GATAD2B: variants seen among roughly 807,000 people sequenced by gnomAD.
GATAD2B encodes the protein GATA zinc finger domain containing 2B.
In GATAD2B, 8 loss-of-function variants were observed where a neutral mutation model predicts 64.3. The ratio of observed to expected loss-of-function variants is 0.12; its 90% CI spans 0.07 to 0.22. GATAD2B has a LOEUF of 0.22. Among genes scored for constraint, GATAD2B ranks in the 10% least tolerant of loss-of-function variants. The pLI is 1.00. For synonymous variants in GATAD2B, 281 were observed against 271.3 expected, an observed-to-expected ratio of 1.04 and a Z score of -0.35; for missense variants, 453 against 752.0, an observed-to-expected ratio of 0.60 and a Z score of 4.65.
intron 1 of GATAD2B, among the ~76,000 whole-genome samples, chr1:153,886,264 G>A (rs1677180668): frequency 6.6e-6 from 1 of 152,170 alleles, no homozygotes; most frequent in Admixed American, 6.6e-5. Context: ...ACATTGTAAA[G>A]TGTATTTAAA....
At chr1:153,882,166 C>T (rs572242481) in intron 1 of GATAD2B, among the ~76,000 whole-genome samples, 1 of 152,156 alleles carries the variant, frequency 6.6e-6, no homozygotes, top group Non-Finnish European at 1.5e-5. Context: ...CTAACTATCC[C>T]CCCATCATTG....
chr1:153,846,051 A>T (rs1675676695), intron 1 of GATAD2B, among the ~76,000 whole-genome samples: 1 of 148,850 alleles, frequency 6.7e-6, no homozygotes, highest in Non-Finnish European at 1.5e-5. Flanking sequence ...TACCTACAAC[A>T]TTTTTTTCGT....
chr1:153,883,831 C>T (rs914876409), intron 1 of GATAD2B, among the ~76,000 whole-genome samples: 3 of 151,916 alleles, frequency 2.0e-5, no homozygotes, highest in African/African-American at 7.3e-5. Context: ...CAGTACTCTA[C>T]GTTTACTATA....
At chr1:153,856,515 T>C (rs941317999) in intron 1 of GATAD2B, among the ~76,000 whole-genome samples, 2 of 152,226 alleles carry the variant, frequency 1.3e-5, no homozygotes, top group Non-Finnish European at 2.9e-5. Context: ...TTTTTCTATA[T>C]GCTTAAATAT....
intron 1 of GATAD2B, among the ~76,000 whole-genome samples, chr1:153,904,136 C>T (rs1298262934): frequency 1.3e-5 from 2 of 151,842 alleles, no homozygotes; most frequent in Non-Finnish European, 2.9e-5. Context: ...AAATATTAGC[C>T]GGGCGTGGTG....
At chr1:153,857,588 A>G (rs1473123280) in intron 1 of GATAD2B, among the ~76,000 whole-genome samples, 1 of 152,176 alleles carries the variant, frequency 6.6e-6, no homozygotes, top group African/African-American at 2.4e-5. Flanking sequence ...CTTAGTCACT[A>G]TATTCACTAT....
At position 153,809,914 on chromosome 1, in the gene GATAD2B, A is replaced by G. The variant is rs1674235656; in HGVS notation, c.*263T>C. ...TCATTCTGACCTCTATCAGAGGTAA[A>G]GATCCACCTCACTGTTAAAGAAAAC... On this transcript the variant is annotated 3_prime_UTR_variant, in exon 11 of 11. Coordinates refer to ENST00000368655, the MANE Select transcript of GATAD2B (RefSeq NM_020699.4). 2.8e-6 allele frequency: 1 copy of G among 362,318 alleles called. No individual in the cohort carries two copies. Among genetic ancestry groups the G allele is most frequent in the Non-Finnish European group, 5.0e-6 (1 of 201,016 alleles). The allele number at this position is 362,318 out of a possible 1,614,324, so 22.4% of individuals were successfully genotyped here. A position where few individuals can be genotyped will look rare whatever the true frequency, so the allele number is the denominator to read the frequency against.
intron 1 of GATAD2B, among the ~76,000 whole-genome samples, chr1:153,841,911 G>A (rs761387686): frequency 5.9e-5 from 9 of 152,172 alleles, no homozygotes; most frequent in Non-Finnish European, 1.0e-4. Context: ...CAGATGCAAT[G>A]TATGAGAAAT....
At chr1:153,871,770 C>G (rs1676673528) in intron 1 of GATAD2B, among the ~76,000 whole-genome samples, 1 of 152,058 alleles carries the variant, frequency 6.6e-6, no homozygotes, top group South Asian at 2.1e-4. Flanking sequence ...CGTGCCCAGC[C>G]TGAATTGTAC....
At chr1:153,869,934 G>A (rs1000773154) in intron 1 of GATAD2B, among the ~76,000 whole-genome samples, 2 of 151,334 alleles carry the variant, frequency 1.3e-5, no homozygotes, top group Non-Finnish European at 2.9e-5. Flanking sequence ...AAGACCAGCT[G>A]GAACAACATG....
At chr1:153,854,281 T>TAG (rs1387800768) in intron 1 of GATAD2B, among the ~76,000 whole-genome samples, 4 of 152,098 alleles carry the variant, frequency 2.6e-5, no homozygotes, top group Non-Finnish European at 5.9e-5. Context: ...TGGGCACCTG[T>TAG]AGTCCCAGCT....
chr1:153,814,028 G>A (rs1196271407), intron 7 of GATAD2B, among the ~76,000 whole-genome samples: 6 of 152,214 alleles, frequency 3.9e-5, no homozygotes, highest in Admixed American at 3.9e-4. Flanking sequence ...AAGCTGGGAT[G>A]TTTCCTGATT....
At chr1:153,902,488 C>T (rs1455034202) in intron 1 of GATAD2B, among the ~76,000 whole-genome samples, 1 of 152,002 alleles carries the variant, frequency 6.6e-6, no homozygotes, top group African/African-American at 2.4e-5. Flanking sequence ...GGGTCTCACT[C>T]TTGTCACCCA....
chr1:153,817,036 AAAACAAAC>A (rs746633066), intron 6 of GATAD2B, among the ~76,000 whole-genome samples: 2 of 152,278 alleles, frequency 1.3e-5, no homozygotes, highest in East Asian at 1.9e-4. Flanking sequence ...TCCAGCTCAA[AAAACAAAC>A]AAACAAACAA....
At chr1:153,824,770 G>A (rs12755194) in intron 2 of GATAD2B, among the ~76,000 whole-genome samples, 119,145 of 150,350 alleles carry the variant, frequency 0.79, 47,948 homozygotes, top group Admixed American at 0.87. Context: ...AAAAAAAAAA[G>A]AGTGTTAACA....
intron 1 of GATAD2B, among the ~76,000 whole-genome samples, chr1:153,893,969 A>C (rs1342794889): frequency 6.6e-6 from 1 of 150,908 alleles, no homozygotes; most frequent in Non-Finnish European, 1.5e-5. Flanking sequence ...AAAAAAAAAA[A>C]AAAAAAAAAA....
chr1:153,870,840 A>G (rs932036559), intron 1 of GATAD2B, among the ~76,000 whole-genome samples: 1 of 152,234 alleles, frequency 6.6e-6, no homozygotes, highest in Non-Finnish European at 1.5e-5. Flanking sequence ...GGCATTTTAG[A>G]TAAGGGATAC....
intron 1 of GATAD2B, among the ~76,000 whole-genome samples, chr1:153,830,852 T>C (rs1307447280): frequency 6.6e-6 from 1 of 152,092 alleles, no homozygotes; most frequent in African/African-American, 2.4e-5. Flanking sequence ...TCATAGCTTA[T>C]TGCAGCTTCA....
At chr1:153,868,798 C>T (rs554173251) in intron 1 of GATAD2B, among the ~76,000 whole-genome samples, 1,695 of 150,504 alleles carry the variant, frequency 0.011, 12 homozygotes, top group Non-Finnish European at 0.019. Context: ...TGCAGTGGCA[C>T]CATCTTGGCT....
Sources: gnomAD v4.1 joint callset for allele counts (sites outside exome capture counted in the v4.1 genomes callset) on GRCh38, gnomAD v4.1.1 for gene constraint, MANE v1.5 for transcripts, NCBI Gene and HGNC (gene_info 2026-07-23, HGNC 2026-07-21) for gene names.